Variants in GLYR1 observed in about 807,000 individuals in gnomAD.
The protein encoded by GLYR1 is glyoxylate reductase 1 homolog.
A neutral mutation model predicts 72.7 loss-of-function variants in GLYR1; 21 were observed. That is an observed-to-expected ratio of 0.29 (90% CI 0.20 to 0.42). GLYR1 has a LOEUF of 0.42. Among genes scored for constraint, GLYR1 ranks in the 10% least tolerant of loss-of-function variants. The pLI, the probability that GLYR1 is intolerant of heterozygous loss-of-function variation, is 1.00. For synonymous variants in GLYR1, 392 were observed against 270.2 expected (o/e 1.45, Z -4.42); for missense variants, 594 against 712.1 (o/e 0.83, Z 1.89).
At chr16:4,845,663 G>C (rs1203972681) in intron 2 of GLYR1, among the ~76,000 whole-genome samples, 2 of 152,036 alleles carry the variant, frequency 1.3e-5, no homozygotes, top group Non-Finnish European at 1.5e-5. Flanking sequence ...GACACCTCCC[G>C]GGCTCCAAGC....
intron 10 of GLYR1, 69 bp from the exon 11 acceptor site, chr16:4,814,716 A>G: frequency 7.1e-6 from 9 of 1,265,028 alleles, no homozygotes; most frequent in Admixed American, 1.9e-5. Flanking sequence ...CAGGCCAGAG[A>G]ATTGCTGACC....
At position 4,805,239 on chromosome 16, in the gene GLYR1, G is replaced by A; in HGVS notation, c.1659C>T (p.His553=). 6.2e-7 allele frequency: 1 copy of A among 1,613,946 alleles called. No homozygotes were observed. Among genetic ancestry groups the A allele is most frequent in the Non-Finnish European group, 8.5e-7 (1 of 1,179,900 alleles). The change falls in exon 16 of 16, where the codon CAC becomes CAT. Residue 553 remains histidine, a synonymous_variant. Transcript: ENST00000321919. ...DMSAVYRAYI[H] is the part of the protein sequence containing the mutation. ...GTGAGGGCGGGGTGTCGACAGCTTAGTGTATGTAGGCTCGGTACACGGCGG... is the reference window on the plus strand; with the variant it reads ...GTGAGGGCGGGGTGTCGACAGCTTAATGTATGTAGGCTCGGTACACGGCGG...
intron 15 of GLYR1, among the ~76,000 whole-genome samples, chr16:4,805,854 G>C (rs932738955): frequency 2.0e-5 from 3 of 151,962 alleles, no homozygotes; most frequent in Non-Finnish European, 2.9e-5. Flanking sequence ...GGTGGCAGGT[G>C]CCTGTAATCC....
At chr16:4,832,568 TA>T in intron 4 of GLYR1, 1 of 638,526 alleles carries the variant, frequency 1.6e-6, no homozygotes, top group Non-Finnish European at 2.6e-6. Flanking sequence ...GCAATTTTCC[TA>T]AAAGCAACAA....
chr16:4,822,863 A>G lies in GLYR1; in HGVS notation c.681+12T>C. ...CCCTGACCAAGGGCCAAGAGCCTCA[A>G]AGGCAACTCACCTTCTCTGTTTGGC... On this transcript the variant is annotated intron_variant, in intron 7 of 15. Coordinates refer to ENST00000321919, the MANE Select transcript of GLYR1 (RefSeq NM_032569.4). 2 of 1,613,336 alleles carry G rather than the reference A, an allele frequency of 1.2e-6. No homozygotes were observed. Among genetic ancestry groups the G allele is most frequent in the South Asian group, 1.1e-5 (1 of 91,068 alleles).
intron 3 of GLYR1, among the ~76,000 whole-genome samples, chr16:4,836,192 C>T (rs933786852): frequency 3.3e-5 from 5 of 152,142 alleles, no homozygotes; most frequent in Non-Finnish European, 5.9e-5. Context: ...CCGGGCCTGG[C>T]ACACCACTGG....
In GLYR1 at chr16:4,822,919, C is replaced by T. The variant is rs1260411538; in HGVS notation, c.637G>A (p.Ala213Thr). 10 of 1,614,042 alleles carry T rather than the reference C, an allele frequency of 6.2e-6. No homozygotes were observed. The highest frequency in any genetic ancestry group is 1.6e-4 in the Middle Eastern group (1 of 6,084). The change falls in exon 7 of 16, where the codon GCA (alanine) becomes ACA (threonine). Residue 213 changes from alanine to threonine, a missense_variant. Ala to Thr is a moderately conservative substitution (Grantham distance 58). Coordinates refer to ENST00000321919, the MANE Select transcript of GLYR1 (RefSeq NM_032569.4). ...AGGAAATGATGGAAATGAGGATCTG[C>T]ATCTTTAACAGGCTGAAACCAGAAA... is the stretch of plus-strand genomic sequence containing the variant. ...QPTASEPVKD[A>T]DPHFHHFLLS...
At chr16:4,821,620 A>T in intron 7 of GLYR1, 23 bp from the exon 8 acceptor site, 1 of 1,611,136 alleles carries the variant, frequency 6.2e-7, no homozygotes, top group Admixed American at 1.7e-5. Flanking sequence ...GAGGAAAGAG[A>T]CTACTTGTGC....
intron 3 of GLYR1, among the ~76,000 whole-genome samples, chr16:4,835,761 G>A (rs1426211677): frequency 6.6e-6 from 1 of 152,182 alleles, no homozygotes; most frequent in Non-Finnish European, 1.5e-5. Context: ...AACCCAGGAG[G>A]CGGAGGTTGC....
intron 15 of GLYR1, among the ~76,000 whole-genome samples, chr16:4,809,706 C>T (rs1053262864): frequency 2.6e-5 from 4 of 151,444 alleles, no homozygotes; most frequent in African/African-American, 9.7e-5. Context: ...GACGGATCAC[C>T]TGAGGTCAGC....
intron 3 of GLYR1, among the ~76,000 whole-genome samples, chr16:4,834,846 G>T (rs979852905): frequency 6.6e-6 from 1 of 151,976 alleles, no homozygotes; most frequent in African/African-American, 2.4e-5. Context: ...AAAAGTGGAA[G>T]GAGATTTCGA....
chr16:4,816,855 C>T (rs564793617), intron 10 of GLYR1, among the ~76,000 whole-genome samples: 46 of 151,810 alleles, frequency 3.0e-4, no homozygotes, highest in Admixed American at 5.9e-4. Context: ...GGTGTGGTGG[C>T]GCGCGCCTGT....
At chr16:4,844,070 T>C (rs985655232) in intron 3 of GLYR1, among the ~76,000 whole-genome samples, 9 of 141,164 alleles carry the variant, frequency 6.4e-5, no homozygotes, top group Non-Finnish European at 3.0e-5. Context: ...GCTGAGATCA[T>C]GCCACTGCAC....
intron 4 of GLYR1, 162 bp from the exon 5 acceptor site, chr16:4,832,383 G>A: frequency 2.4e-6 from 2 of 839,974 alleles, no homozygotes; most frequent in Non-Finnish European, 3.6e-6. Flanking sequence ...GGGAGAAGCA[G>A]ATTTAAAAAA....
At chr16:4,829,819 C>T (rs1396186162) in intron 5 of GLYR1, among the ~76,000 whole-genome samples, 5 of 152,096 alleles carry the variant, frequency 3.3e-5, no homozygotes, top group East Asian at 3.9e-4. Flanking sequence ...ATTACAGGAG[C>T]GTGCCACCAC....
At chr16:4,805,589 G>A (rs991941878) in intron 15 of GLYR1, among the ~76,000 whole-genome samples, 2 of 152,242 alleles carry the variant, frequency 1.3e-5, no homozygotes, top group Non-Finnish European at 2.9e-5. Flanking sequence ...GGGCACTGCG[G>A]CTCATGCCTG....
Position 4,845,180 on chromosome 16 carries a change from T to C in GLYR1, c.76-27A>G, listed in dbSNP as rs1174469711. 6.3e-6 allele frequency: 10 copies of C among 1,579,058 alleles called. No individual in the cohort carries two copies. In the African/African-American group the frequency reaches 1.2e-4, roughly 19 times the overall value. On this transcript the variant is annotated intron_variant, in intron 2 of 15. Transcript: ENST00000321919. The stretch of plus-strand genomic sequence containing the variant: ...TGGAGGATAAAAGGGGGGAAAAAGG[T>C]TGGCTGGCAACACAGCAGCCCACTT...
intron 5 of GLYR1, among the ~76,000 whole-genome samples, chr16:4,824,891 G>A (rs1250391970): frequency 6.6e-6 from 1 of 152,028 alleles, no homozygotes; most frequent in African/African-American, 2.4e-5. Flanking sequence ...CTACTCCTGA[G>A]GTTTTCTCAG....
intron 3 of GLYR1, among the ~76,000 whole-genome samples, chr16:4,836,154 CA>C (rs2085115786): frequency 6.6e-6 from 1 of 152,080 alleles, no homozygotes; most frequent in Admixed American, 6.6e-5. Flanking sequence ...AACAATGCAC[CA>C]CTGTCTAATT....
Sources: allele counts gnomAD v4.1 joint callset (sites outside exome capture counted in the v4.1 genomes callset), GRCh38; gene constraint gnomAD v4.1.1; transcripts MANE v1.5; gene names NCBI Gene and HGNC (gene_info 2026-07-23, HGNC 2026-07-21).